RPS6KA1: variants seen among roughly 807,000 people sequenced by gnomAD.
RPS6KA1 encodes the protein ribosomal protein S6 kinase A1.
A neutral mutation model predicts 91.3 loss-of-function variants in RPS6KA1; 48 were observed. The observed-to-expected ratio is 0.53, with a 90% CI of 0.42 to 0.67. The LOEUF (loss-of-function observed/expected upper bound fraction) is 0.67, where lower values mean the gene tolerates loss of function less well. Ranked by LOEUF, RPS6KA1 falls within the 30% of genes least tolerant of loss-of-function variation. The pLI is 0.00. For missense variants in RPS6KA1, 719 were observed against 960.5 expected (o/e 0.75, Z 3.32); for synonymous variants, 359 against 384.7 (o/e 0.93, Z 0.78).
rs2076004559 is a variant in RPS6KA1, at chr1:26,547,337, G to A, written c.307+67G>A. The stretch of plus-strand genomic sequence containing the variant: ...GAGGGAGGCAGCCCAGACTTCAAGG[G>A]CCTTGGGTCTGGCAAGGGAGACAGC... On this transcript the variant is annotated intron_variant, in intron 4 of 21. Transcript: ENST00000374168. The surrounding 1 kb of genome is among the most constrained non-coding windows in gnomAD (Gnocchi z 4.1). The A allele has an allele frequency of 7.3e-6, 10 of 1,364,620 alleles. No individual in the cohort carries two copies. The highest frequency in any genetic ancestry group is 2.4e-5 in the South Asian group (2 of 82,682). 84.5% of individuals were successfully genotyped at this position (1,364,620 alleles called of 1,614,324 possible).
Position 26,551,302 on chromosome 1 carries a change from G to T in RPS6KA1, c.308-95G>T. 9.0e-7 allele frequency: 1 copy of T among 1,106,146 alleles called. No individual in the cohort carries two copies. 68.5% of individuals were successfully genotyped at this position (1,106,146 alleles called of 1,614,324 possible). On this transcript the variant is annotated intron_variant, in intron 4 of 21. Coordinates refer to ENST00000374168, the MANE Select transcript of RPS6KA1 (RefSeq NM_002953.4). The surrounding 1 kb of genome is among the most constrained non-coding windows in gnomAD (Gnocchi z 4.5). ...AGGGGGCTTTGGGAGCTCAGGCCTG[G>T]AGGAACAAGTGGAAAAGAGATCCCT... is the stretch of plus-strand genomic sequence containing the variant.
At chr1:26,552,160 T>G (rs2076056228) in intron 6 of RPS6KA1, among the ~76,000 whole-genome samples, 1 of 152,018 alleles carries the variant, frequency 6.6e-6, no homozygotes, top group South Asian at 2.1e-4. Context: ...GAGGCCGAGG[T>G]GGGCAGATCA....
intron 2 of RPS6KA1, among the ~76,000 whole-genome samples, chr1:26,545,035 G>T (rs144878423): frequency 6.6e-6 from 1 of 151,498 alleles, no homozygotes; most frequent in South Asian, 2.1e-4. Flanking sequence ...TGTCAGGTAC[G>T]TGTCTCCATC....
chr1:26,560,946 T>C, intron 15 of RPS6KA1, 95 bp downstream of exon 15: 1 of 1,603,814 alleles, frequency 6.2e-7, no homozygotes, highest in East Asian at 2.2e-5. Flanking sequence ...TGCAGATGTA[T>C]GAAAGGTGTG....
At chr1:26,553,353 A>T (rs1465211332) in intron 6 of RPS6KA1, 38 bp from the exon 7 acceptor site, 1 of 1,425,428 alleles carries the variant, frequency 7.0e-7, no homozygotes, top group South Asian at 1.2e-5. Flanking sequence ...CTTAAGGAAG[A>T]GGAGGTCCCT....
At position 26,547,149 on chromosome 1, in the gene RPS6KA1, T is replaced by C. The variant is rs751858505; in HGVS notation, c.226-40T>C. 5 of 1,604,736 alleles carry C rather than the reference T, an allele frequency of 3.1e-6. No homozygotes were observed. The East Asian group carries it at 1.1e-4, about 36-fold the overall frequency. On this transcript the variant is annotated intron_variant, in intron 3 of 21. Coordinates refer to ENST00000374168, the MANE Select transcript of RPS6KA1 (RefSeq NM_002953.4). The surrounding 1 kb of genome is among the most constrained non-coding windows in gnomAD (Gnocchi z 4.1). ...ATAGAGGTCAGCCTGGACTCAGACC[T>C]CTCCCATCTTCTGCCCTGCTTCCTG... is the stretch of plus-strand genomic sequence containing the variant.
intron 2 of RPS6KA1, 45 bp from the exon 3 acceptor site, chr1:26,546,822 C>A: frequency 6.6e-7 from 1 of 1,520,092 alleles, no homozygotes; most frequent in Non-Finnish European, 9.1e-7. Flanking sequence ...CCTCCTGCTG[C>A]CTGGATGGGG....
At chr1:26,546,694 G>A (rs1193094364) in intron 2 of RPS6KA1, among the ~76,000 whole-genome samples, 173 bp from the exon 3 acceptor site, 2 of 152,238 alleles carry the variant, frequency 1.3e-5, no homozygotes. Context: ...GACCTCCCCA[G>A]ACTTTGAGGC....
rs747950016 is a variant in RPS6KA1 at position 26,558,826 on chromosome 1, C to G, written c.1104C>G (p.Pro368=). Residue 368 remains proline (P), a synonymous_variant, in exon 14 of 22, where the codon CCC becomes CCG. Transcript: ENST00000374168. The surrounding 1 kb of genome is among the most constrained non-coding windows in gnomAD (Gnocchi z 4.0). The stretch of plus-strand genomic sequence containing the variant: ...GTACAGATTCCCCAGGCATCCCCCC[C>G]AGCGCTGGGGCCCATCAGCTGTTCC... The part of the protein sequence containing the change: ...RTPKDSPGIP[P]SAGAHQLFRG... The G allele has an allele frequency of 8.1e-6, 13 of 1,611,488 alleles. No homozygotes were observed. The South Asian group carries it at 1.1e-4, about 14-fold the overall frequency.
At chr1:26,535,791 G>A (rs573028109) in intron 1 of RPS6KA1, among the ~76,000 whole-genome samples, 1 of 152,228 alleles carries the variant, frequency 6.6e-6, no homozygotes, top group Admixed American at 6.5e-5. Flanking sequence ...TCCCCTCAGA[G>A]CCTCAGTTTC....
intron 2 of RPS6KA1, chr1:26,543,304 T>G (rs2124622969): frequency 1.9e-6 from 2 of 1,036,382 alleles, no homozygotes; most frequent in East Asian, 5.2e-5. Flanking sequence ...CTCTGTCCCT[T>G]GGGATTTCTG....
chr1:26,534,048 C>T (rs999705304), intron 1 of RPS6KA1, among the ~76,000 whole-genome samples: 1 of 152,156 alleles, frequency 6.6e-6, no homozygotes, highest in African/African-American at 2.4e-5. Flanking sequence ...GCGGGGGGTC[C>T]CTAAGTCATC....
intron 2 of RPS6KA1, chr1:26,544,263 C>T (rs2075972964): frequency 2.2e-6 from 1 of 453,404 alleles, no homozygotes; most frequent in African/African-American, 2.0e-5. Flanking sequence ...GTTCCAATCT[C>T]TGTCTCCACT....
rs1387365838 is a variant in RPS6KA1 at position 26,556,650 on chromosome 1, T to C, written c.917-4T>C. On this transcript the variant is annotated splice_polypyrimidine_tract_variant and splice_region_variant and intron_variant, in intron 11 of 21. Coordinates refer to ENST00000374168, the MANE Select transcript of RPS6KA1 (RefSeq NM_002953.4). Reference sequence around the variant, plus strand: ...GGACAGACCCTTCATTTGGGCTCTTTCAGGCTCCGGCCCTGATGGGGCAGA... The same window carrying C: ...GGACAGACCCTTCATTTGGGCTCTTCCAGGCTCCGGCCCTGATGGGGCAGA... 2 of 1,614,172 alleles carry C rather than the reference T, an allele frequency of 1.2e-6. No homozygotes were observed. Among genetic ancestry groups the C allele is most frequent in the Middle Eastern group, 1.6e-4 (1 of 6,062 alleles).
rs998838974 is a variant in RPS6KA1 at position 26,554,323 on chromosome 1, G to C, written c.613+72G>C. ...CAAGGTCATGATAGGTCTCGGCTGA[G>C]TGCTGGGGGCTCATTCTTCCCGAGA... On this transcript the variant is annotated intron_variant, in intron 8 of 21. Coordinates refer to ENST00000374168, the MANE Select transcript of RPS6KA1 (RefSeq NM_002953.4). The surrounding 1 kb of genome is among the most constrained non-coding windows in gnomAD (Gnocchi z 4.6). 1.4e-6 allele frequency: 2 copies of C among 1,454,258 alleles called. 1 individual carries two copies. The highest frequency in any genetic ancestry group is 1.9e-6 in the Non-Finnish European group (2 of 1,067,958). The allele number at this position is 1,454,258 out of a possible 1,614,324, so 90.1% of individuals were successfully genotyped here. A position where few individuals can be genotyped will look rare whatever the true frequency, so the allele number is the denominator to read the frequency against.
intron 1 of RPS6KA1, chr1:26,530,931 G>A: frequency 2.5e-6 from 3 of 1,211,968 alleles, no homozygotes; most frequent in Non-Finnish European, 3.2e-6. Context: ...GGTGGTTGTT[G>A]GGGGTATGCA....
At chr1:26,569,566 C>T (rs114543422) in intron 17 of RPS6KA1, among the ~76,000 whole-genome samples, 268 of 152,330 alleles carry the variant, frequency 1.8e-3, no homozygotes, top group African/African-American at 6.1e-3. Flanking sequence ...GCCATGTCTA[C>T]CTACTCCACG....
intron 2 of RPS6KA1, among the ~76,000 whole-genome samples, chr1:26,541,335 G>T (rs375486671): frequency 6.6e-6 from 1 of 150,644 alleles, no homozygotes; most frequent in African/African-American, 2.4e-5. Flanking sequence ...CGGGCAGATC[G>T]CCTGAGCTCA....
Position 26,558,988 on chromosome 1 carries a change from T to A in RPS6KA1, c.1215+51T>A. 1 of 1,582,482 alleles carries A rather than the reference T, an allele frequency of 6.3e-7. No homozygotes were observed. Among genetic ancestry groups the A allele is most frequent in the Non-Finnish European group, 8.6e-7 (1 of 1,157,126 alleles). On this transcript the variant is annotated intron_variant, in intron 14 of 21. Coordinates refer to ENST00000374168, the MANE Select transcript of RPS6KA1 (RefSeq NM_002953.4). The surrounding 1 kb of genome is among the most constrained non-coding windows in gnomAD (Gnocchi z 4.0). ...CCATTATCCTTTTCTAAAGAATGGCTGAGTACACAGGCTCTGAGTTGGACA... is the reference window on the plus strand; with the variant it reads ...CCATTATCCTTTTCTAAAGAATGGCAGAGTACACAGGCTCTGAGTTGGACA...
Sources: gnomAD v4.1 joint callset for allele counts (sites outside exome capture counted in the v4.1 genomes callset) on GRCh38, gnomAD v4.1.1 for gene constraint, Gnocchi (gnomAD v3.1) non-coding constraint, MANE v1.5 for transcripts, NCBI Gene and HGNC (gene_info 2026-07-23, HGNC 2026-07-21) for gene names.